Variants in XKR9 observed in about 807,000 individuals in gnomAD.
The protein encoded by XKR9 is XK-related protein 9.
Under a neutral mutation model 32.0 loss-of-function variants are expected in XKR9, and 32 were observed. The ratio of observed to expected loss-of-function variants is 1.00; its 90% CI spans 0.76 to 1.34. XKR9 has a LOEUF of 1.34. XKR9 is among the 40% of genes most tolerant of loss of function. The pLI, the probability that XKR9 is intolerant of heterozygous loss-of-function variation, is 0.00. For missense variants in XKR9, 546 were observed against 429.7 expected, an observed-to-expected ratio of 1.27 and a Z score of -2.39; for synonymous variants, 168 against 143.4, an observed-to-expected ratio of 1.17 and a Z score of -1.22.
At chr8:70,987,447 A>G in the XKR9 span, among the ~76,000 whole-genome samples, 2 of 152,260 alleles carry the variant, frequency 1.3e-5, no homozygotes, top group Non-Finnish European at 2.9e-5. Flanking sequence ...AGAGCCCATG[A>G]AGTCCAAAAT....
the XKR9 span, among the ~76,000 whole-genome samples, chr8:70,976,014 G>A: frequency 1.3e-5 from 2 of 152,150 alleles, no homozygotes; most frequent in African/African-American, 4.8e-5. Context: ...ATTGTGAATG[G>A]GAGTTCACTC....
At position 70,773,967 on chromosome 8, in the gene XKR9, T is replaced by A. The variant is rs557544525; in HGVS notation, n.353-15372T>A. Among the ~76,000 whole-genome samples, 9 of 150,678 alleles carry A rather than the reference T, an allele frequency of 6.0e-5. No homozygotes were observed. The East Asian group carries it at 1.7e-3, about 29-fold the overall frequency. On this transcript the variant is annotated intron_variant and non_coding_transcript_variant, in intron 2 of 3. Transcript: ENST00000520273. ...CACTGGAAACAGTTTCACAGCAATC[T>A]GTTGGCATCATTTTTTAATACTTTT...
downstream of XKR9, among the ~76,000 whole-genome samples, chr8:70,739,101 C>A (rs1014601067): frequency 6.6e-6 from 1 of 151,944 alleles, no homozygotes; most frequent in Non-Finnish European, 1.5e-5. Context: ...GTGTGGGAAT[C>A]TAAGTCTGTT....
chr8:70,955,812 A>C, the XKR9 span, among the ~76,000 whole-genome samples: 9 of 152,350 alleles, frequency 5.9e-5, no homozygotes, highest in Admixed American at 1.3e-4. Context: ...CTGTGCACAG[A>C]CAGCCATGCT....
chr8:70,785,634 A>G (rs1586898174), intron 2 of XKR9, among the ~76,000 whole-genome samples: 1 of 150,424 alleles, frequency 6.6e-6, no homozygotes, highest in South Asian at 2.1e-4. Context: ...TTTATAACAT[A>G]GGAATTTATT....
chr8:70,715,098 A>G (rs1388486660), intron 4 of XKR9, among the ~76,000 whole-genome samples: 1 of 152,172 alleles, frequency 6.6e-6, no homozygotes, highest in Non-Finnish European at 1.5e-5. Context: ...CACATTGGGA[A>G]TAAAAGGGCT....
At chr8:71,029,075 A>G in the XKR9 span, among the ~76,000 whole-genome samples, 1 of 151,962 alleles carries the variant, frequency 6.6e-6, no homozygotes, top group Non-Finnish European at 1.5e-5. Flanking sequence ...GGTCTGCAGG[A>G]CCCCACGTGA....
the XKR9 span, among the ~76,000 whole-genome samples, chr8:70,865,535 T>A: frequency 6.6e-6 from 1 of 152,046 alleles, no homozygotes; most frequent in East Asian, 1.9e-4. Context: ...TTTTTTAAAG[T>A]TTTGTTTTCT....
At chr8:70,775,080 A>G (rs1299491959) in intron 2 of XKR9, among the ~76,000 whole-genome samples, 6 of 152,062 alleles carry the variant, frequency 3.9e-5, no homozygotes, top group Non-Finnish European at 8.8e-5. Context: ...TCTCATTTTT[A>G]TGTTACTGTA....
At chr8:70,949,938 A>G in the XKR9 span, among the ~76,000 whole-genome samples, 3 of 152,202 alleles carry the variant, frequency 2.0e-5, no homozygotes, top group Non-Finnish European at 4.4e-5. Flanking sequence ...AGCTTTGAGA[A>G]GTTCACATAG....
chr8:70,903,527 T>C, the XKR9 span, among the ~76,000 whole-genome samples: 3 of 152,190 alleles, frequency 2.0e-5, no homozygotes, highest in Non-Finnish European at 4.4e-5. Flanking sequence ...TTCTTCTTTC[T>C]TTTCTTCTTT....
the XKR9 span, among the ~76,000 whole-genome samples, chr8:71,050,260 TAGATAGATAGATAG>T: frequency 5.1e-3 from 550 of 107,860 alleles, 6 homozygotes; most frequent in African/African-American, 0.018. Context: ...TATATATATA[TAGATAGATAGATAG>T]ATATAGATAT....
chr8:70,825,844 C>G, the XKR9 span, among the ~76,000 whole-genome samples: 1 of 152,024 alleles, frequency 6.6e-6, no homozygotes, highest in Admixed American at 6.5e-5. Context: ...TTCCTAACTT[C>G]CTTCCTTTTT....
chr8:70,683,919 GAT>G (rs2079634568), intron 3 of XKR9, among the ~76,000 whole-genome samples: 1 of 152,162 alleles, frequency 6.6e-6, no homozygotes, highest in Admixed American at 6.6e-5. Context: ...TTTCTTGAGA[GAT>G]ATTTTAGTGG....
chr8:70,715,637 G>T (rs1312996805), intron 4 of XKR9, among the ~76,000 whole-genome samples: 1 of 151,960 alleles, frequency 6.6e-6, no homozygotes, highest in Non-Finnish European at 1.5e-5. Context: ...TTGAAAAAGT[G>T]AATAAAAATA....
At chr8:70,852,877 G>A in the XKR9 span, among the ~76,000 whole-genome samples, 23 of 152,140 alleles carry the variant, frequency 1.5e-4, no homozygotes, top group Non-Finnish European at 2.5e-4. Context: ...AGGAGGGATA[G>A]CAGTAGGAGA....
At chr8:70,790,042 T>C (rs1316919582) in intron 3 of XKR9, 1 of 150,096 alleles carries the variant, frequency 6.7e-6, no homozygotes, top group Non-Finnish European at 1.5e-5. Flanking sequence ...CCTTTGACAA[T>C]TGTTTCTTTT....
the XKR9 span, among the ~76,000 whole-genome samples, chr8:70,938,421 CTG>C: frequency 5.0e-4 from 76 of 152,030 alleles, no homozygotes; most frequent in African/African-American, 1.8e-3. Flanking sequence ...GGCACTGAGA[CTG>C]TCATGTTAAA....
chr8:71,008,823 C>T, the XKR9 span, among the ~76,000 whole-genome samples: 1 of 151,852 alleles, frequency 6.6e-6, no homozygotes, highest in Admixed American at 6.6e-5. Flanking sequence ...TGAGTGCCAC[C>T]ACACCTGGCT....
Sources: gnomAD v4.1 joint callset for allele counts (sites outside exome capture counted in the v4.1 genomes callset) on GRCh38, gnomAD v4.1.1 for gene constraint, MANE v1.5 for transcripts, NCBI Gene and HGNC (gene_info 2026-07-23, HGNC 2026-07-21) for gene names.